The following TBL1X variants were observed in gnomAD, a reference collection of about 807,000 sequenced individuals.
TBL1X encodes the protein F-box-like/WD repeat-containing protein TBL1X.
TBL1X carries 10 observed loss-of-function variants against 50.7 expected under a neutral mutation model. The ratio of observed to expected loss-of-function variants is 0.20; its 90% CI spans 0.12 to 0.33. The LOEUF is 0.33. Ranked by LOEUF, TBL1X falls within the 10% of genes least tolerant of loss-of-function variation. The probability of loss-of-function intolerance (pLI) is 1.00; values close to 1 mark genes in which losing one functional copy is unlikely to be tolerated. For synonymous variants in TBL1X, 190 were observed against 214.7 expected (o/e 0.88, Z 1.01); for missense variants, 340 against 504.4 (o/e 0.67, Z 3.12).
intron 5 of TBL1X, among the ~76,000 whole-genome samples, chrX:9,662,657 G>A (rs776365448): frequency 8.9e-6 from 1 of 112,408 alleles, no homozygotes; most frequent in African/African-American, 3.2e-5. Context: ...TGGTTGCACA[G>A]TAGTGTGAAT....
At chrX:9,605,119 GGTGTCATGTCACCCA>G (rs1366057653) in intron 2 of TBL1X, among the ~76,000 whole-genome samples, 1 of 109,873 alleles carries the variant, frequency 9.1e-6, no homozygotes, top group Admixed American at 9.6e-5. Flanking sequence ...AGGTAACCTG[GGTGTCATGTCACCCA>G]GGTGACATGA....
chrX:9,697,572 G>A (rs2083139604), intron 12 of TBL1X, 143 bp downstream of exon 12: 2 of 822,245 alleles, frequency 2.4e-6, no homozygotes, highest in Admixed American at 6.5e-5. Flanking sequence ...AGGAGTTCAA[G>A]ACCAGCCTGG....
chrX:9,628,779 C>T (rs967592569), intron 2 of TBL1X, among the ~76,000 whole-genome samples: 9 of 111,946 alleles, frequency 8.0e-5, no homozygotes, highest in South Asian at 3.7e-4. Context: ...AACTCCTGAC[C>T]TCAGGTGATC....
chrX:9,654,777 T>C (rs2082856372), intron 5 of TBL1X, among the ~76,000 whole-genome samples: 1 of 111,167 alleles, frequency 9.0e-6, no homozygotes. Context: ...CCAACATTTT[T>C]GATTACCACT....
chrX:9,575,908 A>C (rs2082409204), intron 2 of TBL1X, among the ~76,000 whole-genome samples: 1 of 111,797 alleles, frequency 8.9e-6, no homozygotes, highest in Admixed American at 9.5e-5. Context: ...ATCTGAGAAA[A>C]GTCTGTTGTC....
At chrX:9,568,282 T>C (rs916677100) in intron 2 of TBL1X, among the ~76,000 whole-genome samples, 1 of 110,428 alleles carries the variant, frequency 9.1e-6, no homozygotes, top group African/African-American at 3.3e-5. Context: ...TTGTGTTGCA[T>C]GTGTCTGTCT....
intron 2 of TBL1X, among the ~76,000 whole-genome samples, chrX:9,600,913 A>G (rs1039244676): frequency 9.0e-6 from 1 of 111,557 alleles, no homozygotes; most frequent in Admixed American, 9.5e-5. Flanking sequence ...TGAGCCTTTA[A>G]GAAGTGGAAT....
chrX:9,626,840 G>A (rs761355194), intron 2 of TBL1X, among the ~76,000 whole-genome samples: 25 of 112,140 alleles, frequency 2.2e-4, no homozygotes, highest in African/African-American at 7.4e-4. Flanking sequence ...TATCAGTGTC[G>A]CATATCAAGA....
intron 1 of TBL1X, among the ~76,000 whole-genome samples, chrX:9,473,855 A>G (rs1852894371): frequency 1.8e-5 from 2 of 112,803 alleles, no homozygotes; most frequent in African/African-American, 6.4e-5. Flanking sequence ...GAAAATAAGA[A>G]TGAATAATCT....
chrX:9,468,395 C>T (rs919900588), intron 1 of TBL1X, among the ~76,000 whole-genome samples: 3 of 112,235 alleles, frequency 2.7e-5, no homozygotes, highest in African/African-American at 6.5e-5. Context: ...GAGACATTTC[C>T]CTTCCTGCAA....
chrX:9,502,528 C>T (rs2082006520), intron 2 of TBL1X, among the ~76,000 whole-genome samples: 1 of 112,098 alleles, frequency 8.9e-6, no homozygotes, highest in South Asian at 3.7e-4. Context: ...ACATGTAGAA[C>T]CTCTCCTCCA....
chrX:9,511,672 C>T (rs1012551007), intron 2 of TBL1X, among the ~76,000 whole-genome samples: 3 of 112,372 alleles, frequency 2.7e-5, no homozygotes, highest in African/African-American at 9.7e-5. Flanking sequence ...TGGTACTTCT[C>T]AATTCTCAGT....
At chrX:9,619,700 T>C (rs2082657142) in intron 2 of TBL1X, among the ~76,000 whole-genome samples, 1 of 112,403 alleles carries the variant, frequency 8.9e-6, no homozygotes, top group Admixed American at 9.4e-5. Flanking sequence ...GAAATGGGGC[T>C]GGGAGCAGAC....
chrX:9,688,267 A>G lies in TBL1X; in HGVS notation c.608A>G (p.His203Arg). ...ATVNGEENRA[H>R]SVNNHAKPME... ...GTGAATGGGGAAGAGAACAGAGCAC[A>G]TTCAGTCAGTGAGTGCAGGGGCTCT... The change falls in exon 7 of 18, where the codon CAT becomes CGT. Residue 203 changes from histidine to arginine, a missense_variant. Transcript: ENST00000645353. 8.5e-7 allele frequency: 1 copy of G among 1,180,652 alleles called. No homozygotes were observed. The highest frequency in any genetic ancestry group is 1.1e-6 in the Non-Finnish European group (1 of 877,181).
In TBL1X at chrX:9,512,858, G is replaced by A. The variant is rs559913950; in HGVS notation, c.-131+11009G>A. 4.5e-5 allele frequency among the ~76,000 whole-genome samples: 5 copies of A among 111,754 alleles called. No homozygotes were observed. In the South Asian group the frequency reaches 1.9e-3, roughly 42 times the overall value. On this transcript the variant is annotated intron_variant, in intron 2 of 17. Transcript: ENST00000645353. ...CTTTCCCGTGAGTCTTTCAGGGAAAGATTGAGTTCCGTGTCAGGTTGGAGT... is the reference window on the plus strand; with the variant it reads ...CTTTCCCGTGAGTCTTTCAGGGAAAAATTGAGTTCCGTGTCAGGTTGGAGT...
In TBL1X at chrX:9,711,606, G is replaced by A; in HGVS notation, c.1440-5G>A. 1 of 1,179,460 alleles carries A rather than the reference G, an allele frequency of 8.5e-7. No individual in the cohort carries two copies. On this transcript the variant is annotated splice_polypyrimidine_tract_variant and splice_region_variant and intron_variant, in intron 15 of 17. Coordinates refer to ENST00000645353, the MANE Select transcript of TBL1X (RefSeq NM_005647.4). ...GTGATTTTGCTTTCTCTCCCACCTT[G>A]CTAGTGCTTCGTTTGATTCTACGGT...
chrX:9,504,239 A>G (rs2082015277), intron 2 of TBL1X, among the ~76,000 whole-genome samples: 1 of 112,110 alleles, frequency 8.9e-6, no homozygotes, highest in Non-Finnish European at 1.9e-5. Flanking sequence ...GCAGAAAGTG[A>G]CAACAACAGC....
At chrX:9,491,465 C>T (rs1478831633) in intron 1 of TBL1X, among the ~76,000 whole-genome samples, 2 of 105,183 alleles carry the variant, frequency 1.9e-5, no homozygotes, top group Admixed American at 1.0e-4. Context: ...CTCAGCCACC[C>T]GAGTAGCTGA....
intron 5 of TBL1X, among the ~76,000 whole-genome samples, chrX:9,677,391 C>T (rs2083000831): frequency 9.2e-6 from 1 of 109,227 alleles, no homozygotes; most frequent in Admixed American, 1.0e-4. Flanking sequence ...CTAGATTGGA[C>T]AAGTGTGTTA....
Sources: allele counts gnomAD v4.1 joint callset (sites outside exome capture counted in the v4.1 genomes callset), GRCh38; gene constraint gnomAD v4.1.1; transcripts MANE v1.5; gene names NCBI Gene and HGNC (gene_info 2026-07-23, HGNC 2026-07-21).